ACOXL: variants seen among roughly 807,000 people sequenced by gnomAD.
ACOXL encodes acyl-CoA oxidase like, also known as acyl-coenzyme A oxidase-like protein.
In ACOXL, 70 loss-of-function variants were observed where a neutral mutation model predicts 71.9. The ratio of observed to expected loss-of-function variants is 0.97; its 90% CI spans 0.80 to 1.19. The LOEUF (loss-of-function observed/expected upper bound fraction) is 1.19. ACOXL is among the 50% of genes most tolerant of loss of function. ACOXL has a pLI of 0.00. For synonymous variants in ACOXL, 253 were observed against 281.6 expected, an observed-to-expected ratio of 0.90 and a Z score of 1.02; for missense variants, 703 against 736.3, an observed-to-expected ratio of 0.95 and a Z score of 0.52.
chr2:110,791,023 G>T (rs1423304578), intron 3 of ACOXL, among the ~76,000 whole-genome samples: 1 of 152,202 alleles, frequency 6.6e-6, no homozygotes, highest in Non-Finnish European at 1.5e-5. Flanking sequence ...TGGCCTGTGG[G>T]CTGGGGCCCA....
At chr2:110,811,965 C>T (rs1489667054) in intron 9 of ACOXL, among the ~76,000 whole-genome samples, 6 of 152,266 alleles carry the variant, frequency 3.9e-5, no homozygotes, top group Admixed American at 6.5e-5. Flanking sequence ...CTTGCAGGTT[C>T]TGTTTTCTTT....
chr2:110,816,219 G>C (rs1687902880), intron 9 of ACOXL, among the ~76,000 whole-genome samples: 1 of 151,094 alleles, frequency 6.6e-6, no homozygotes, highest in Non-Finnish European at 1.5e-5. Context: ...ATAAATGATG[G>C]ATGGATGGAT....
intron 13 of ACOXL, among the ~76,000 whole-genome samples, chr2:110,994,310 G>A (rs1175042073): frequency 6.6e-6 from 1 of 152,152 alleles, no homozygotes; most frequent in African/African-American, 2.4e-5. Flanking sequence ...CCGGTAATTG[G>A]CATGTAAATA....
intron 3 of ACOXL, among the ~76,000 whole-genome samples, chr2:110,791,692 A>G (rs1386887237): frequency 6.6e-6 from 1 of 152,222 alleles, no homozygotes; most frequent in Non-Finnish European, 1.5e-5. Context: ...AGTGAAATTC[A>G]TCTGTCCTGA....
intron 14 of ACOXL, among the ~76,000 whole-genome samples, chr2:111,019,560 G>A (rs1029215949): frequency 5.9e-5 from 9 of 152,224 alleles, no homozygotes; most frequent in Non-Finnish European, 1.0e-4. Flanking sequence ...GACAGTTTCA[G>A]TTAAGCCTCA....
chr2:110,825,814 T>C (rs1477343166), intron 9 of ACOXL, among the ~76,000 whole-genome samples: 1 of 152,164 alleles, frequency 6.6e-6, no homozygotes, highest in Non-Finnish European at 1.5e-5. Context: ...AGTGGAGATT[T>C]TTCTTGGAAT....
chr2:111,042,963 C>T (rs998370699), intron 15 of ACOXL, among the ~76,000 whole-genome samples: 3 of 152,184 alleles, frequency 2.0e-5, no homozygotes, highest in African/African-American at 7.2e-5. Flanking sequence ...TGGCCCATTG[C>T]CATCCTGGAG....
intron 17 of ACOXL, among the ~76,000 whole-genome samples, chr2:111,108,856 T>A (rs1306920407): frequency 6.6e-6 from 1 of 152,278 alleles, no homozygotes; most frequent in Non-Finnish European, 1.5e-5. Context: ...GAGCTCAGTT[T>A]GCCTGCTCCA....
At chr2:111,022,526 G>C (rs961520822) in intron 14 of ACOXL, among the ~76,000 whole-genome samples, 1 of 152,002 alleles carries the variant, frequency 6.6e-6, no homozygotes, top group Non-Finnish European at 1.5e-5. Flanking sequence ...ATGAGGGATG[G>C]TCCCTTCCTG....
chr2:111,041,509 G>A (rs2065782161), intron 15 of ACOXL, among the ~76,000 whole-genome samples: 1 of 152,162 alleles, frequency 6.6e-6, no homozygotes, highest in African/African-American at 2.4e-5. Flanking sequence ...CTGCAGGTGG[G>A]ACAGAGCCGG....
At chr2:110,763,248 AC>A (rs543725627) in intron 1 of ACOXL, among the ~76,000 whole-genome samples, 2 of 152,350 alleles carry the variant, frequency 1.3e-5, no homozygotes, top group East Asian at 3.9e-4. Context: ...AAGGAGAAGA[AC>A]AAAGTTGGAG....
chr2:110,963,847 C>A, intron 12 of ACOXL: 1 of 1,282,268 alleles, frequency 7.8e-7, no homozygotes, highest in Non-Finnish European at 1.1e-6. Context: ...TTTGTTGTAG[C>A]TGAACAGGGG....
At chr2:110,805,870 G>A (rs971488913) in intron 9 of ACOXL, among the ~76,000 whole-genome samples, 1 of 152,192 alleles carries the variant, frequency 6.6e-6, no homozygotes, top group African/African-American at 2.4e-5. Context: ...CTGCCTCCCT[G>A]CCCTGCCTCT....
At chr2:110,934,952 C>T (rs551011752) in intron 12 of ACOXL, among the ~76,000 whole-genome samples, 142 of 152,252 alleles carry the variant, frequency 9.3e-4, no homozygotes, top group Non-Finnish European at 1.5e-3. Context: ...GGCAATGGCG[C>T]GATGTGACTC....
chr2:111,063,777 A>C (rs1321454239), intron 16 of ACOXL, among the ~76,000 whole-genome samples: 13 of 152,376 alleles, frequency 8.5e-5, no homozygotes, highest in Non-Finnish European at 1.5e-5. Flanking sequence ...TAGCCAGTGC[A>C]ATAAGGCAAG....
At chr2:110,939,432 T>A (rs2060788497) in intron 12 of ACOXL, among the ~76,000 whole-genome samples, 1 of 152,226 alleles carries the variant, frequency 6.6e-6, no homozygotes, top group South Asian at 2.1e-4. Context: ...ACCCCCCTAA[T>A]TTACCTAAGA....
chr2:111,023,667 G>T (rs1041935480), intron 14 of ACOXL, among the ~76,000 whole-genome samples: 11 of 152,140 alleles, frequency 7.2e-5, no homozygotes, highest in Admixed American at 6.5e-4. Context: ...TGCCAAGAGA[G>T]ACACTGAGCC....
intron 13 of ACOXL, among the ~76,000 whole-genome samples, chr2:110,992,567 G>A (rs546301348): frequency 3.6e-4 from 55 of 152,148 alleles, no homozygotes; most frequent in Admixed American, 7.9e-4. Context: ...CCATTTGTCC[G>A]CACAGTAACT....
chr2:110,758,640 A>G (rs1420426783), intron 1 of ACOXL, among the ~76,000 whole-genome samples: 1 of 152,084 alleles, frequency 6.6e-6, no homozygotes, highest in African/African-American at 2.4e-5. Flanking sequence ...TCCTGGGTTC[A>G]TTGATTTTTT....
Sources: gnomAD v4.1 joint callset for allele counts (sites outside exome capture counted in the v4.1 genomes callset) on GRCh38, gnomAD v4.1.1 for gene constraint, MANE v1.5 for transcripts, NCBI Gene and HGNC (gene_info 2026-07-23, HGNC 2026-07-21) for gene names.